Variants in IL12RB1 observed in about 807,000 individuals in gnomAD.
IL12RB1 encodes interleukin 12 receptor subunit beta 1, also known as interleukin-12 receptor subunit beta-1.
A neutral mutation model predicts 94.4 loss-of-function variants in IL12RB1; 64 were observed. The observed-to-expected ratio is 0.68, with a 90% CI of 0.55 to 0.83. IL12RB1 has a LOEUF of 0.83. Among genes scored for constraint, IL12RB1 ranks in the 40% least tolerant of loss-of-function variants. The probability of loss-of-function intolerance (pLI) is 0.00; values close to 1 mark genes in which losing one functional copy is unlikely to be tolerated. For missense variants in IL12RB1, 814 were observed against 855.6 expected (o/e 0.95, Z 0.61); for synonymous variants, 362 against 355.5 (o/e 1.02, Z -0.21).
At chr19:18,091,953 T>C (rs930012068), upstream of IL12RB1, among the ~76,000 whole-genome samples, 2 of 149,334 alleles carry the variant, frequency 1.3e-5, no homozygotes. Context: ...TTCAGCTCAC[T>C]ATAACCTCCG....
At chr19:18,063,281 A>G (rs2034314422) in intron 13 of IL12RB1, among the ~76,000 whole-genome samples, 1 of 151,322 alleles carries the variant, frequency 6.6e-6, no homozygotes, top group Non-Finnish European at 1.5e-5. Context: ...TATTTTTTGT[A>G]GAGATGAGGT....
intron 4 of IL12RB1, among the ~76,000 whole-genome samples, chr19:18,078,436 A>C (rs1350371646): frequency 6.6e-6 from 1 of 152,030 alleles, no homozygotes; most frequent in Non-Finnish European, 1.5e-5. Context: ...TTAAAATTTA[A>C]AAATAAATAA....
chr19:18,078,800 G>A (rs17882189), intron 4 of IL12RB1, among the ~76,000 whole-genome samples: 2,549 of 152,192 alleles, frequency 0.017, 66 homozygotes, highest in African/African-American at 0.059. Context: ...TTGCTGCACC[G>A]TGGTCATACC....
Position 18,073,567 on chromosome 19 carries a change from C to T in IL12RB1, c.733G>A (p.Val245Met). ...NPPQPQVRFS[V>M]EQLGQDGRRR... ...CTCCCATCCTGGCCCAGCTGCTCCA[C>T]CGAGAATCTCACCTGAGGCTGTGGG... The change falls in exon 8 of 17, where the codon GTG becomes ATG. Residue 245 changes from valine (V) to methionine (M), a missense_variant. By Grantham distance (21) the Val-to-Met change is conservative. Coordinates refer to ENST00000593993, the MANE Select transcript of IL12RB1 (RefSeq NM_005535.3). 1 of 1,613,180 alleles carries T rather than the reference C, an allele frequency of 6.2e-7. No individual in the cohort carries two copies. Among genetic ancestry groups the T allele is most frequent in the South Asian group, 1.1e-5 (1 of 91,044 alleles).
chr19:18,068,965 G>C (rs760052806), intron 10 of IL12RB1, among the ~76,000 whole-genome samples: 28 of 152,044 alleles, frequency 1.8e-4, no homozygotes, highest in Admixed American at 1.3e-4. Flanking sequence ...GGCCAGGCTG[G>C]TCTCGAACTC....
rs1407392565 is a variant in IL12RB1, at chr19:18,072,094, C to T, written c.1021+18G>A. 1 of 1,556,560 alleles carries T rather than the reference C, an allele frequency of 6.4e-7. No individual in the cohort carries two copies. The highest frequency in any genetic ancestry group is 8.9e-7 in the Non-Finnish European group (1 of 1,127,674). The stretch of plus-strand genomic sequence containing the variant: ...TCTGAGGGGCCCTCATACCGCCCTC[C>T]CCACCCAGAGGAGGCACCTGTGTGG... On this transcript the variant is annotated intron_variant, in intron 9 of 16. Transcript: ENST00000593993.
At chr19:18,065,953 C>T (rs1038388644) in intron 12 of IL12RB1, among the ~76,000 whole-genome samples, 15 of 149,548 alleles carry the variant, frequency 1.0e-4, no homozygotes, top group East Asian at 2.0e-4. Flanking sequence ...GTGGGAGGAT[C>T]GCTTGAGCCC....
At chr19:18,067,904 C>T (rs951351530) in intron 11 of IL12RB1, among the ~76,000 whole-genome samples, 4 of 152,048 alleles carry the variant, frequency 2.6e-5, no homozygotes, top group African/African-American at 9.6e-5. Context: ...CTATGTTGCC[C>T]AGGCTGTTCT....
Position 18,069,730 on chromosome 19 carries a change from G to A in IL12RB1, c.1022-17C>T. The A allele has an allele frequency of 6.3e-7, 1 of 1,580,474 alleles. No individual in the cohort carries two copies. Among genetic ancestry groups the A allele is most frequent in the Non-Finnish European group, 8.7e-7 (1 of 1,151,834 alleles). On this transcript the variant is annotated splice_polypyrimidine_tract_variant and intron_variant, in intron 9 of 16. Transcript: ENST00000593993. The stretch of plus-strand genomic sequence containing the variant: ...CCACTGGTTCTGGAAGGAGAGGGGA[G>A]AGACGCATCGAGACAGTTGCCATCT...
chr19:18,080,803 A>G (rs774523852), intron 4 of IL12RB1, 29 bp downstream of exon 4: 1 of 1,542,650 alleles, frequency 6.5e-7, no homozygotes. Context: ...CTGGGTAAAA[A>G]ACGGACGGGG....
At chr19:18,074,774 G>A (rs1370427269) in intron 7 of IL12RB1, among the ~76,000 whole-genome samples, 1 of 150,966 alleles carries the variant, frequency 6.6e-6, no homozygotes, top group Non-Finnish European at 1.5e-5. Flanking sequence ...GCAGTAGGCC[G>A]GGCGCGGTGG....
At chr19:18,070,533 G>T (rs867661941) in intron 9 of IL12RB1, 7 of 985,376 alleles carry the variant, frequency 7.1e-6, no homozygotes, top group East Asian at 2.3e-4. Flanking sequence ...CTTCATGAAT[G>T]TCAGAGAGAT....
intron 14 of IL12RB1, among the ~76,000 whole-genome samples, chr19:18,061,495 G>T (rs1010375668): frequency 6.6e-6 from 1 of 152,130 alleles, no homozygotes; most frequent in Non-Finnish European, 1.5e-5. Context: ...CTCCCAAAGT[G>T]CTGGGATTAC....
chr19:18,087,023 C>T (rs113102676), upstream of IL12RB1: 646 of 1,170,196 alleles, frequency 5.5e-4, no homozygotes, highest in African/African-American at 8.5e-3. Context: ...AAGTCAGCTC[C>T]GTGGTGGTGG....
chr19:18,077,217 G>A (rs745533692), intron 5 of IL12RB1, among the ~76,000 whole-genome samples: 1 of 151,976 alleles, frequency 6.6e-6, no homozygotes, highest in Middle Eastern at 3.4e-3. Context: ...AATTAGCTGC[G>A]TGTGGTAGTG....
intron 1 of IL12RB1, among the ~76,000 whole-genome samples, chr19:18,083,732 TCA>T (rs1175257086): frequency 6.1e-5 from 9 of 148,534 alleles, no homozygotes; most frequent in Non-Finnish European, 1.3e-4. Context: ...ACCCATGAAT[TCA>T]TCCATTCACC....
intron 1 of IL12RB1, among the ~76,000 whole-genome samples, chr19:18,098,013 AG>A (rs973416121): frequency 5.3e-5 from 8 of 152,090 alleles, no homozygotes; most frequent in African/African-American, 1.4e-4. Context: ...CATGGTGGGA[AG>A]GGGGAAGGTG....
In IL12RB1 at chr19:18,077,555, C is replaced by T. The variant is rs1234154467; in HGVS notation, c.510G>A (p.Val170=). Residue 170 remains valine, a synonymous_variant, in exon 5 of 17, where the codon GTG becomes GTA. Coordinates refer to ENST00000593993, the MANE Select transcript of IL12RB1 (RefSeq NM_005535.3). ...TGCTGGGTGTCCGGTGCCGGAACTG[C>T]ACCTCAGCACCAACCTGGTTATCCG... is the stretch of plus-strand genomic sequence containing the variant. ...ETPDNQVGAE[V]QFRHRTPSSP... is the part of the protein sequence containing the mutation. The T allele has an allele frequency of 6.2e-7, 1 of 1,612,480 alleles. No individual in the cohort carries two copies. Among genetic ancestry groups the T allele is most frequent in the African/African-American group, 1.3e-5 (1 of 74,986 alleles).
chr19:18,092,346 C>T (rs1001772479), intron 1 of IL12RB1, among the ~76,000 whole-genome samples: 3 of 151,496 alleles, frequency 2.0e-5, no homozygotes, highest in Non-Finnish European at 4.4e-5. Context: ...CAAAATTAGC[C>T]GGGCATGGTG....
Sources: gnomAD v4.1 joint callset for allele counts (sites outside exome capture counted in the v4.1 genomes callset) on GRCh38, gnomAD v4.1.1 for gene constraint, MANE v1.5 for transcripts, NCBI Gene and HGNC (gene_info 2026-07-23, HGNC 2026-07-21) for gene names.